GPC5: variants seen among roughly 807,000 people sequenced by gnomAD.
The protein encoded by GPC5 is glypican 5.
A neutral mutation model predicts 53.9 loss-of-function variants in GPC5; 47 were observed. The observed-to-expected ratio is 0.87, with a 90% CI of 0.69 to 1.11. The LOEUF (loss-of-function observed/expected upper bound fraction) is 1.11, where lower values mean the gene tolerates loss of function less well. Ranked by LOEUF, GPC5 falls within the 50% of genes most tolerant of loss-of-function variation. GPC5 has a pLI of 0.00. For missense variants in GPC5, 748 were observed against 713.1 expected (o/e 1.05, Z -0.56); for synonymous variants, 286 against 263.3 (o/e 1.09, Z -0.84).
chr13:91,404,520 G>A (rs1594042133), intron 1 of GPC5, among the ~76,000 whole-genome samples: 1 of 152,198 alleles, frequency 6.6e-6, no homozygotes, highest in Non-Finnish European at 1.5e-5. Context: ...AGAAAAGGCA[G>A]CACTGATTGT....
At chr13:92,523,370 A>G (rs557135084) in intron 7 of GPC5, among the ~76,000 whole-genome samples, 11 of 152,092 alleles carry the variant, frequency 7.2e-5, no homozygotes, top group East Asian at 1.9e-4. Context: ...TACTTAATCT[A>G]TCCTTTTATA....
At chr13:92,539,363 C>T (rs1170986856) in intron 7 of GPC5, among the ~76,000 whole-genome samples, 3 of 152,002 alleles carry the variant, frequency 2.0e-5, no homozygotes, top group Admixed American at 1.3e-4. Flanking sequence ...GATCGCCACT[C>T]TAACTGGTTG....
At position 92,124,184 on chromosome 13, in the gene GPC5, C is replaced by A. The variant is rs9560928; in HGVS notation, c.1402-20646C>A. Among the ~76,000 whole-genome samples the A allele has an allele frequency of 5.0e-4, 68 of 136,418 alleles. 1 individual carries two copies. The highest frequency in any genetic ancestry group is 1.6e-3 in the African/African-American group (59 of 36,250). The allele number at this position is 136,418 out of a possible 152,430, so 89.5% of individuals were successfully genotyped here. On this transcript the variant is annotated intron_variant, in intron 6 of 7. Coordinates refer to ENST00000377067, the MANE Select transcript of GPC5 (RefSeq NM_004466.6). ...GACAGACATATTCATGTAATAAAAT[C>A]TTAGCAATCCCTGCAATAATCTGCC... is the stretch of plus-strand genomic sequence containing the variant.
At chr13:92,484,532 G>A (rs916136247) in intron 7 of GPC5, 1 of 152,114 alleles carries the variant, frequency 6.6e-6, no homozygotes. Context: ...CCGTAAACAT[G>A]TGAGTAATGC....
chr13:92,381,784 C>T (rs951405047), intron 7 of GPC5, among the ~76,000 whole-genome samples: 1 of 112,154 alleles, frequency 8.9e-6, no homozygotes, highest in Admixed American at 9.2e-5. Flanking sequence ...GATAAATAAA[C>T]TGTGATATAT....
intron 7 of GPC5, among the ~76,000 whole-genome samples, chr13:92,381,456 C>T (rs962940523): frequency 6.6e-6 from 1 of 152,228 alleles, no homozygotes; most frequent in African/African-American, 2.4e-5. Flanking sequence ...TGCAATACCA[C>T]CTCTGTCCTG....
chr13:91,897,649 C>T (rs1449249901), intron 5 of GPC5, among the ~76,000 whole-genome samples: 1 of 152,084 alleles, frequency 6.6e-6, no homozygotes, highest in Non-Finnish European at 1.5e-5. Context: ...ATCTGTAAAA[C>T]TGTGTTCTCT....
intron 7 of GPC5, among the ~76,000 whole-genome samples, chr13:92,782,601 G>A (rs763259651): frequency 3.9e-5 from 6 of 152,086 alleles, no homozygotes; most frequent in African/African-American, 7.2e-5. Context: ...GCAGTCACGC[G>A]TTTATCACAG....
chr13:92,470,381 T>G (rs1244986950), intron 7 of GPC5, among the ~76,000 whole-genome samples: 1 of 152,220 alleles, frequency 6.6e-6, no homozygotes, highest in Non-Finnish European at 1.5e-5. Flanking sequence ...TTTTTTATTA[T>G]ACCTTAAGTT....
Position 91,615,914 on chromosome 13 carries a change from T to C in GPC5, c.326-77273T>C, listed in dbSNP as rs548024019. Among the ~76,000 whole-genome samples, 3 of 152,238 alleles carry C rather than the reference T, an allele frequency of 2.0e-5. No individual in the cohort carries two copies. In the East Asian group the frequency reaches 5.8e-4, roughly 29 times the overall value. ...GTTTCAAATGTCTTTAATTCGTGGA[T>C]TTTCACTATATTTTAAGACAGAATG... is the stretch of plus-strand genomic sequence containing the variant. On this transcript the variant is annotated intron_variant, in intron 2 of 7. Coordinates refer to ENST00000377067, the MANE Select transcript of GPC5 (RefSeq NM_004466.6).
chr13:92,139,861 G>A (rs1403089814), intron 6 of GPC5, among the ~76,000 whole-genome samples: 1 of 152,018 alleles, frequency 6.6e-6, no homozygotes, highest in Admixed American at 6.6e-5. Flanking sequence ...GGCAGGGTAA[G>A]CTTAAATTAT....
chr13:92,268,343 T>C (rs1379659638), intron 7 of GPC5, among the ~76,000 whole-genome samples: 2 of 149,628 alleles, frequency 1.3e-5, no homozygotes, highest in African/African-American at 5.0e-5. Context: ...ATTTGGTATA[T>C]ATCTCTTTCT....
chr13:91,906,991 T>A (rs1001594659), intron 5 of GPC5, among the ~76,000 whole-genome samples: 1 of 148,304 alleles, frequency 6.7e-6, no homozygotes, highest in Non-Finnish European at 1.5e-5. Context: ...TTTATATATT[T>A]TATATATATA....
At chr13:91,896,575 G>A (rs1436682841) in intron 5 of GPC5, among the ~76,000 whole-genome samples, 1 of 152,146 alleles carries the variant, frequency 6.6e-6, no homozygotes, top group Non-Finnish European at 1.5e-5. Context: ...TGAAAGGACT[G>A]AGAAAGGAGA....
intron 2 of GPC5, among the ~76,000 whole-genome samples, chr13:91,592,811 C>A (rs2032850704): frequency 6.6e-6 from 1 of 152,200 alleles, no homozygotes. Flanking sequence ...ATGCACACAA[C>A]CCTGTGGGGC....
At chr13:92,284,790 G>C (rs2042941958) in intron 7 of GPC5, among the ~76,000 whole-genome samples, 1 of 152,138 alleles carries the variant, frequency 6.6e-6, no homozygotes, top group Admixed American at 6.5e-5. Context: ...ATATCATACT[G>C]AATGGGCAAA....
intron 7 of GPC5, among the ~76,000 whole-genome samples, chr13:92,513,762 T>C (rs1445853603): frequency 6.6e-6 from 1 of 152,128 alleles, no homozygotes; most frequent in East Asian, 1.9e-4. Context: ...CTAAACACAA[T>C]ATTTATGTTT....
intron 6 of GPC5, among the ~76,000 whole-genome samples, chr13:92,043,295 A>G (rs2040955896): frequency 6.6e-6 from 1 of 152,142 alleles, no homozygotes; most frequent in Admixed American, 6.6e-5. Context: ...ATGAGTTAGT[A>G]TTGTTGTGTG....
At chr13:92,248,431 C>T (rs2042668828) in intron 7 of GPC5, among the ~76,000 whole-genome samples, 1 of 152,120 alleles carries the variant, frequency 6.6e-6, no homozygotes, top group African/African-American at 2.4e-5. Context: ...GGACTGCCTT[C>T]TAATCTTAGT....
Sources: allele counts gnomAD v4.1 joint callset (sites outside exome capture counted in the v4.1 genomes callset), GRCh38; gene constraint gnomAD v4.1.1; transcripts MANE v1.5; gene names NCBI Gene and HGNC (gene_info 2026-07-23, HGNC 2026-07-21).